The following NIM1K variants were observed in gnomAD, a reference collection of about 807,000 sequenced individuals.
The protein encoded by NIM1K is NIM1 serine/threonine protein kinase.
NIM1K carries 35 observed loss-of-function variants against 37.1 expected under a neutral mutation model. The observed-to-expected ratio is 0.94, with a 90% confidence interval of 0.72 to 1.25. NIM1K has a LOEUF of 1.25. Ranked by LOEUF, NIM1K falls within the 50% of genes most tolerant of loss-of-function variation. NIM1K has a pLI of 0.00. For synonymous variants in NIM1K, 234 were observed against 206.6 expected, an observed-to-expected ratio of 1.13 and a Z score of -1.14; for missense variants, 564 against 548.0, an observed-to-expected ratio of 1.03 and a Z score of -0.29.
At position 43,245,575 on chromosome 5, in the gene NIM1K, G is replaced by T; in HGVS notation, c.-201G>T. The T allele has an allele frequency of 2.0e-6, 1 of 504,370 alleles. No individual in the cohort carries two copies. Among genetic ancestry groups the T allele is most frequent in the Non-Finnish European group, 3.5e-6 (1 of 287,666 alleles). 31.2% of individuals were successfully genotyped at this position (504,370 alleles called of 1,614,324 possible). Reference sequence around the variant, plus strand: ...TCTTGAGTGAGGCGAGCAGCTCCTGGCTGGGCTGGGCAGACTCAGCTACCA... The same window carrying T: ...TCTTGAGTGAGGCGAGCAGCTCCTGTCTGGGCTGGGCAGACTCAGCTACCA... On this transcript the variant is annotated 5_prime_UTR_variant, in exon 2 of 4. Coordinates refer to ENST00000326035, the MANE Select transcript of NIM1K (RefSeq NM_153361.4).
intron 1 of NIM1K, among the ~76,000 whole-genome samples, chr5:43,202,843 T>TTG (rs1752051112): frequency 1.3e-5 from 2 of 152,200 alleles, no homozygotes; most frequent in African/African-American, 4.8e-5. Flanking sequence ...TTTTACAATG[T>TTG]TCAGTGACCT....
At chr5:43,243,175 C>G (rs1752729580) in intron 1 of NIM1K, among the ~76,000 whole-genome samples, 1 of 152,128 alleles carries the variant, frequency 6.6e-6, no homozygotes, top group Admixed American at 6.5e-5. Flanking sequence ...GGACACAGAG[C>G]CAGTAAGTTC....
In NIM1K at chr5:43,267,605, C is replaced by A. The variant is rs181160548; in HGVS notation, c.293-9452C>A. ...GGCATTTAGTGCTATAAACTTTCCT[C>A]TTAGCACCACTTTTGCTGTATCTCA... On this transcript the variant is annotated intron_variant, in intron 2 of 3. Transcript: ENST00000326035. Among the ~76,000 whole-genome samples the A allele has an allele frequency of 3.3e-5, 5 of 152,292 alleles. 1 individual carries two copies. Among genetic ancestry groups the A allele is most frequent in the Admixed American group, 3.3e-4 (5 of 15,302 alleles).
chr5:43,256,022 A>G (rs146363803), intron 2 of NIM1K, among the ~76,000 whole-genome samples: 15 of 152,130 alleles, frequency 9.9e-5, no homozygotes, highest in African/African-American at 2.9e-4. Context: ...TGGAGGACCA[A>G]GTTTGTCAAA....
chr5:43,197,782 C>A (rs1399338665), intron 1 of NIM1K, among the ~76,000 whole-genome samples: 1 of 152,168 alleles, frequency 6.6e-6, no homozygotes, highest in Non-Finnish European at 1.5e-5. Context: ...TTGGGCCCCA[C>A]CCTGTCTGTA....
chr5:43,273,874 T>G (rs1283620806), intron 2 of NIM1K, among the ~76,000 whole-genome samples: 2 of 152,226 alleles, frequency 1.3e-5, no homozygotes, highest in African/African-American at 4.8e-5. Context: ...GAAGGGATTT[T>G]TTTTTTAGTC....
intron 1 of NIM1K, among the ~76,000 whole-genome samples, chr5:43,203,797 A>G (rs6864029): frequency 6.6e-6 from 1 of 151,864 alleles, no homozygotes; most frequent in Non-Finnish European, 1.5e-5. Context: ...AGGCCGAGGC[A>G]GGCAGATCAC....
At chr5:43,200,053 A>C (rs952420532) in intron 1 of NIM1K, among the ~76,000 whole-genome samples, 1 of 151,882 alleles carries the variant, frequency 6.6e-6, no homozygotes, top group African/African-American at 2.4e-5. Flanking sequence ...CTAATTTTGT[A>C]TTCTTAGCAG....
intron 1 of NIM1K, among the ~76,000 whole-genome samples, chr5:43,217,531 C>T (rs1320410927): frequency 6.7e-6 from 1 of 149,240 alleles, no homozygotes; most frequent in Non-Finnish European, 1.5e-5. Context: ...GTTCCAGTTT[C>T]TCCACACCCT....
chr5:43,198,762 A>G (rs2112197731), intron 1 of NIM1K, among the ~76,000 whole-genome samples: 1 of 152,346 alleles, frequency 6.6e-6, no homozygotes, highest in Middle Eastern at 3.4e-3. Context: ...CTTGGGCTTG[A>G]AATTAAACTT....
chr5:43,255,618 G>C (rs1195175015), intron 2 of NIM1K, among the ~76,000 whole-genome samples: 1 of 151,902 alleles, frequency 6.6e-6, no homozygotes, highest in East Asian at 1.9e-4. Flanking sequence ...GCATGGTGGT[G>C]TGCACCTTTA....
chr5:43,241,006 A>AC (rs1469547230), intron 1 of NIM1K, among the ~76,000 whole-genome samples: 2 of 152,016 alleles, frequency 1.3e-5, no homozygotes, highest in African/African-American at 4.8e-5. Context: ...GAAGCAAAGA[A>AC]CACATACACT....
rs779354463 is a variant in NIM1K at position 43,277,188 on chromosome 5, A to G, written c.424A>G (p.Thr142Ala). ...CATCCGCCTTTACGAAGTGGTGGAG[A>G]CCCTATCCAAGCTGCACTTGGTGAT... Reference protein sequence around the residue: ...NIIRLYEVVETLSKLHLVMEY... With the variant: ...NIIRLYEVVEALSKLHLVMEY... The change falls in exon 3 of 4, where the codon ACC becomes GCC. Residue 142 changes from threonine (T) to alanine (A), a missense_variant. By Grantham distance (58) the Thr-to-Ala change is moderately conservative. Coordinates refer to ENST00000326035, the MANE Select transcript of NIM1K (RefSeq NM_153361.4). The G allele has an allele frequency of 1.1e-5, 18 of 1,613,898 alleles. 1 individual carries two copies. In the Admixed American group the frequency reaches 3.0e-4, roughly 27 times the overall value.
intron 2 of NIM1K, among the ~76,000 whole-genome samples, chr5:43,247,428 A>G (rs550567319): frequency 1.3e-5 from 2 of 152,360 alleles, no homozygotes; most frequent in African/African-American, 4.8e-5. Context: ...CCTCTGTGCA[A>G]CCAAAGATCA....
chr5:43,246,957 C>A (rs1752786937), intron 2 of NIM1K, among the ~76,000 whole-genome samples: 1 of 152,158 alleles, frequency 6.6e-6, no homozygotes, highest in Non-Finnish European at 1.5e-5. Flanking sequence ...CTACCGTCTC[C>A]CTAGAGTCCC....
chr5:43,236,776 G>A (rs1233662176), intron 1 of NIM1K, among the ~76,000 whole-genome samples: 1 of 152,246 alleles, frequency 6.6e-6, no homozygotes. Flanking sequence ...GATGCTGGGT[G>A]TGAACTGGAT....
intron 1 of NIM1K, among the ~76,000 whole-genome samples, chr5:43,196,065 T>C (rs1751909247): frequency 6.6e-6 from 1 of 152,116 alleles, no homozygotes; most frequent in Admixed American, 6.6e-5. Flanking sequence ...CTTAGTTCAT[T>C]CTGACTCCCT....
intron 1 of NIM1K, among the ~76,000 whole-genome samples, chr5:43,222,446 G>A (rs1181736265): frequency 2.0e-5 from 3 of 152,062 alleles, no homozygotes; most frequent in Non-Finnish European, 4.4e-5. Flanking sequence ...AGCCTACTTT[G>A]GGCCAGGTGT....
chr5:43,202,326 G>A (rs902587914), intron 1 of NIM1K, among the ~76,000 whole-genome samples: 2 of 152,088 alleles, frequency 1.3e-5, no homozygotes, highest in African/African-American at 4.8e-5. Flanking sequence ...TAGGATTATA[G>A]GTGTAAGCCA....
Sources: gnomAD v4.1 joint callset for allele counts (sites outside exome capture counted in the v4.1 genomes callset) on GRCh38, gnomAD v4.1.1 for gene constraint, MANE v1.5 for transcripts, NCBI Gene and HGNC (gene_info 2026-07-23, HGNC 2026-07-21) for gene names.